The following NELL2 variants were observed in gnomAD, a reference collection of about 807,000 sequenced individuals.
NELL2 encodes the protein protein kinase C-binding protein NELL2.
A neutral mutation model predicts 109.6 loss-of-function variants in NELL2; 41 were observed. That is an observed-to-expected ratio of 0.37 (90% CI 0.29 to 0.49). The LOEUF (loss-of-function observed/expected upper bound fraction) is 0.49. NELL2 is among the 20% of genes least tolerant of loss of function. The pLI, the probability that NELL2 is intolerant of heterozygous loss-of-function variation, is 0.98. For synonymous variants in NELL2, 355 were observed against 344.7 expected, an observed-to-expected ratio of 1.03 and a Z score of -0.33; for missense variants, 900 against 1,008.3, an observed-to-expected ratio of 0.89 and a Z score of 1.45.
At chr12:44,672,474 G>A (rs1460261021) in intron 12 of NELL2, among the ~76,000 whole-genome samples, 3 of 152,162 alleles carry the variant, frequency 2.0e-5, no homozygotes, top group East Asian at 3.9e-4. Flanking sequence ...CCCTGGTTCC[G>A]TGGAAAAATT....
At chr12:44,596,675 T>C (rs573528205) in intron 15 of NELL2, among the ~76,000 whole-genome samples, 1 of 152,252 alleles carries the variant, frequency 6.6e-6, no homozygotes, top group African/African-American at 2.4e-5. Flanking sequence ...CCTCAAGTGA[T>C]CCTCCACCAT....
intron 12 of NELL2, among the ~76,000 whole-genome samples, chr12:44,686,268 G>A (rs1020092558): frequency 2.0e-5 from 3 of 152,128 alleles, no homozygotes; most frequent in Non-Finnish European, 2.9e-5. Flanking sequence ...AGCTCCATCA[G>A]CTCCTCTAAG....
At chr12:44,597,072 T>G (rs528383580) in intron 15 of NELL2, among the ~76,000 whole-genome samples, 4 of 152,180 alleles carry the variant, frequency 2.6e-5, no homozygotes, top group Non-Finnish European at 5.9e-5. Flanking sequence ...TGATTGAACA[T>G]GCAGGGTGAT....
intron 13 of NELL2, among the ~76,000 whole-genome samples, chr12:44,638,579 G>C (rs993854199): frequency 6.6e-6 from 1 of 152,138 alleles, no homozygotes; most frequent in Non-Finnish European, 1.5e-5. Context: ...GGAACAAAAT[G>C]AGAAGAGAAA....
intron 9 of NELL2, among the ~76,000 whole-genome samples, chr12:44,771,225 G>A (rs1195214312): frequency 4.6e-5 from 7 of 152,164 alleles, no homozygotes; most frequent in Non-Finnish European, 7.3e-5. Context: ...GAAAGAGGAT[G>A]AGTGGTGAAG....
rs1025444631 is a variant in NELL2, at chr12:44,600,023, G to A, written c.1663+7146C>T. ...GCCGCCCAGGCTGGAGTGCAGTGGC[G>A]CGATATCTGCTCACTGCAAGCCCCG... On this transcript the variant is annotated intron_variant, in intron 15 of 19. Transcript: ENST00000429094. Among the ~76,000 whole-genome samples, 4 of 147,594 alleles carry A rather than the reference G, an allele frequency of 2.7e-5. No individual in the cohort carries two copies. The South Asian group carries it at 6.5e-4, about 24-fold the overall frequency.
chr12:44,822,231 T>G (rs1000950333), intron 2 of NELL2, among the ~76,000 whole-genome samples: 3 of 152,108 alleles, frequency 2.0e-5, no homozygotes, highest in African/African-American at 7.2e-5. Context: ...TAGCATGTAG[T>G]AAAGACCATG....
intron 2 of NELL2, among the ~76,000 whole-genome samples, chr12:44,839,655 T>C (rs1349058155): frequency 6.6e-6 from 1 of 152,238 alleles, no homozygotes; most frequent in Non-Finnish European, 1.5e-5. Flanking sequence ...TTTTCTAATT[T>C]CTGAAACAAC....
chr12:44,636,604 G>T (rs1404130480), intron 13 of NELL2, among the ~76,000 whole-genome samples: 1 of 152,104 alleles, frequency 6.6e-6, no homozygotes, highest in Non-Finnish European at 1.5e-5. Flanking sequence ...TGCATATGTC[G>T]AACCAGCCTT....
At chr12:44,675,290 A>G (rs1296336986) in intron 12 of NELL2, among the ~76,000 whole-genome samples, 1 of 152,178 alleles carries the variant, frequency 6.6e-6, no homozygotes, top group Non-Finnish European at 1.5e-5. Context: ...TTCATCATTA[A>G]AAGATAATTT....
chr12:44,773,741 T>G (rs10880683), intron 9 of NELL2, among the ~76,000 whole-genome samples: 34 of 152,016 alleles, frequency 2.2e-4, no homozygotes, highest in African/African-American at 8.0e-4. Flanking sequence ...TTGACTAGGC[T>G]AATACAGTCT....
At chr12:44,684,576 C>G (rs1337833840) in intron 12 of NELL2, among the ~76,000 whole-genome samples, 1 of 152,120 alleles carries the variant, frequency 6.6e-6, no homozygotes, top group Non-Finnish European at 1.5e-5. Context: ...TTTCCCTCTA[C>G]ACACTGCTTT....
chr12:44,584,124 G>C (rs962441088), intron 15 of NELL2, among the ~76,000 whole-genome samples: 1 of 152,176 alleles, frequency 6.6e-6, no homozygotes, highest in Non-Finnish European at 1.5e-5. Flanking sequence ...CATAGACTAG[G>C]TCAGGCACTC....
intron 3 of NELL2, among the ~76,000 whole-genome samples, chr12:44,793,254 T>G (rs988399272): frequency 6.6e-6 from 1 of 152,166 alleles, no homozygotes; most frequent in Non-Finnish European, 1.5e-5. Context: ...AAAGAATGAA[T>G]AAAATACCAA....
chr12:44,762,904 CTTATTTCACCT>C (rs1162954843), intron 9 of NELL2, among the ~76,000 whole-genome samples: 1 of 152,182 alleles, frequency 6.6e-6, no homozygotes, highest in African/African-American at 2.4e-5. Context: ...TGGTAAAACA[CTTATTTCACCT>C]TTATTTCACT....
chr12:44,791,191 T>C (rs1161395338), intron 3 of NELL2, among the ~76,000 whole-genome samples: 1 of 39,022 alleles, frequency 2.6e-5, no homozygotes, highest in African/African-American at 9.1e-5. Flanking sequence ...ATCATATATA[T>C]ATATATATAT....
chr12:44,624,347 T>C (rs1191063597), intron 13 of NELL2, among the ~76,000 whole-genome samples: 1 of 152,156 alleles, frequency 6.6e-6, no homozygotes, highest in Non-Finnish European at 1.5e-5. Context: ...TTTAAAATAA[T>C]GTACCCTTCT....
intron 18 of NELL2, among the ~76,000 whole-genome samples, chr12:44,521,637 AAG>A (rs1941547064): frequency 6.6e-6 from 1 of 152,120 alleles, no homozygotes; most frequent in Non-Finnish European, 1.5e-5. Context: ...ACTTGGAAAA[AAG>A]AGTATTTTTT....
intron 11 of NELL2, among the ~76,000 whole-genome samples, chr12:44,706,627 G>T (rs1008070214): frequency 6.6e-6 from 1 of 151,992 alleles, no homozygotes; most frequent in Admixed American, 6.6e-5. Flanking sequence ...AAAATGTGAG[G>T]TTCCAATGAA....
Sources: allele counts gnomAD v4.1 joint callset (sites outside exome capture counted in the v4.1 genomes callset), GRCh38; gene constraint gnomAD v4.1.1; transcripts MANE v1.5; gene names NCBI Gene and HGNC (gene_info 2026-07-23, HGNC 2026-07-21).